The following MBNL2 variants were observed in gnomAD, a reference collection of about 807,000 sequenced individuals.
MBNL2 encodes muscleblind like splicing regulator 2.
In MBNL2, 17 loss-of-function variants were observed where a neutral mutation model predicts 41.9. That is an observed-to-expected ratio of 0.41 (90% CI 0.28 to 0.61). The LOEUF (loss-of-function observed/expected upper bound fraction) is 0.61, where lower values mean the gene tolerates loss of function less well. Among genes scored for constraint, MBNL2 ranks in the 20% least tolerant of loss-of-function variants. MBNL2 has a pLI of 0.35. For synonymous variants in MBNL2, 195 were observed against 182.9 expected, an observed-to-expected ratio of 1.07 and a Z score of -0.53; for missense variants, 336 against 505.6, an observed-to-expected ratio of 0.66 and a Z score of 3.22.
chr13:97,329,690 CAATACACACACATGCAGCACACATACAA>C (rs1566420573), intron 2 of MBNL2, among the ~76,000 whole-genome samples: 13 of 256 alleles, frequency 0.051, no homozygotes, highest in Middle Eastern at 0.5. Context: ...ACAACACACA[CAATACACACACATGCAGCACACATACAA>C]CATACACAAC....
chr13:97,376,721 G>T (rs922722257), intron 8 of MBNL2, among the ~76,000 whole-genome samples: 10 of 152,258 alleles, frequency 6.6e-5, no homozygotes, highest in South Asian at 4.1e-4. Flanking sequence ...ATCAGGCATT[G>T]TAGGTCTGAC....
chr13:97,342,966 A>G (rs748369270), intron 3 of MBNL2, 50 bp from the exon 4 acceptor site: 1 of 1,209,890 alleles, frequency 8.3e-7, no homozygotes, highest in South Asian at 1.2e-5. Context: ...GTAATTTTTT[A>G]AAGTTTTATT....
chr13:97,367,428 T>C (rs1381138619), intron 8 of MBNL2, among the ~76,000 whole-genome samples: 1 of 152,184 alleles, frequency 6.6e-6, no homozygotes, highest in Non-Finnish European at 1.5e-5. Context: ...TTTGGTTTGG[T>C]TTTTAGTTTC....
At chr13:97,263,398 C>G (rs2049029613) in intron 1 of MBNL2, among the ~76,000 whole-genome samples, 1 of 152,170 alleles carries the variant, frequency 6.6e-6, no homozygotes, top group South Asian at 2.1e-4. Context: ...TGTGTTACAC[C>G]TGGGCCTACT....
At chr13:97,240,645 A>T (rs1394738603) in intron 1 of MBNL2, among the ~76,000 whole-genome samples, 1 of 152,204 alleles carries the variant, frequency 6.6e-6, no homozygotes, top group Non-Finnish European at 1.5e-5. Flanking sequence ...AAATGCAAGA[A>T]GGCTTTTTAT....
chr13:97,311,922 C>T (rs1187485635), intron 2 of MBNL2, among the ~76,000 whole-genome samples: 3 of 152,124 alleles, frequency 2.0e-5, no homozygotes. Flanking sequence ...ACAGATAGTC[C>T]TTTTTTGTGT....
intron 1 of MBNL2, among the ~76,000 whole-genome samples, chr13:97,257,669 TTCAG>T (rs2047814677): frequency 6.6e-6 from 1 of 152,236 alleles, no homozygotes; most frequent in Non-Finnish European, 1.5e-5. Context: ...CCTCGTTTGT[TTCAG>T]TCACCCTGGG....
intron 2 of MBNL2, among the ~76,000 whole-genome samples, chr13:97,298,522 C>T (rs1052744065): frequency 1.3e-5 from 2 of 152,176 alleles, no homozygotes; most frequent in Non-Finnish European, 2.9e-5. Flanking sequence ...GTATCTTTTG[C>T]AAAATCACAC....
In MBNL2 at chr13:97,392,919, A is replaced by G. The variant is rs1306122868; in HGVS notation, c.*1470A>G. 1 of 152,490 alleles carries G rather than the reference A, an allele frequency of 6.6e-6. No individual in the cohort carries two copies. Among genetic ancestry groups the G allele is most frequent in the South Asian group, 2.1e-4 (1 of 4,828 alleles). 9.4% of individuals were successfully genotyped at this position (152,490 alleles called of 1,614,324 possible). On this transcript the variant is annotated 3_prime_UTR_variant, in exon 9 of 9. Transcript: ENST00000679496. ...TTGAGATTGAATGTAAAATATTTTA[A>G]ATTTGGGATCATCGCCTGTTCTGAA...
intron 1 of MBNL2, among the ~76,000 whole-genome samples, chr13:97,269,735 C>T (rs567611800): frequency 1.4e-3 from 214 of 152,196 alleles, no homozygotes; most frequent in Non-Finnish European, 2.6e-3. Flanking sequence ...AAAATAAAGG[C>T]GGTGTGAGAA....
At chr13:97,364,222 C>T (rs1001290588) in intron 7 of MBNL2, among the ~76,000 whole-genome samples, 4 of 152,128 alleles carry the variant, frequency 2.6e-5, no homozygotes, top group Non-Finnish European at 5.9e-5. Flanking sequence ...GTTGAAATTG[C>T]CCCTCCCACC....
rs2050184074 is a variant in MBNL2 at position 97,268,084 on chromosome 13, C to CCTTCCTTCCTTCCTTCCTTCCTTT, written c.-604-7529_-604-7528insCCTTTCTTCCTTCCTTCCTTCCTT. Among the ~76,000 whole-genome samples, 1 of 150,654 alleles carries CCTTCCTTCCTTCCTTCCTTCCTTT rather than the reference C, an allele frequency of 6.6e-6. No individual in the cohort carries two copies. Among genetic ancestry groups the CCTTCCTTCCTTCCTTCCTTCCTTT allele is most frequent in the Non-Finnish European group, 1.5e-5 (1 of 67,704 alleles). ...GCTTTTCTTTTTTCTTTCCTTCCTT[C>CCTTCCTTCCTTCCTTCCTTCCTTT]CTTCCTTCCTTCCTTCCTTTCTTTC... On this transcript the variant is annotated intron_variant, in intron 1 of 8. Coordinates refer to ENST00000679496, the MANE Select transcript of MBNL2 (RefSeq NM_001382683.1). This position sits in a 1 kb window ranked among gnomAD's most constrained non-coding sequence, Gnocchi z 4.6.
intron 1 of MBNL2, among the ~76,000 whole-genome samples, chr13:97,247,167 A>G (rs1302051247): frequency 6.6e-6 from 1 of 152,246 alleles, no homozygotes; most frequent in Admixed American, 6.5e-5. Context: ...TAATAATTGT[A>G]TTAAAAATTT....
intron 3 of MBNL2, among the ~76,000 whole-genome samples, chr13:97,338,727 C>T (rs1204258241): frequency 6.6e-6 from 1 of 152,168 alleles, no homozygotes; most frequent in Non-Finnish European, 1.5e-5. Flanking sequence ...GTGGAAGAAC[C>T]ACGAGGGACA....
chr13:97,242,886 A>G (rs757259607), intron 1 of MBNL2, among the ~76,000 whole-genome samples: 25 of 152,166 alleles, frequency 1.6e-4, no homozygotes, highest in Non-Finnish European at 2.5e-4. Flanking sequence ...GTCCAATGAC[A>G]TCATCCTCTG....
intron 8 of MBNL2, among the ~76,000 whole-genome samples, chr13:97,377,530 A>G (rs541082617): frequency 6.6e-6 from 1 of 152,308 alleles, no homozygotes; most frequent in East Asian, 1.9e-4. Flanking sequence ...AAGAAGTCAA[A>G]CCTAATTCCC....
intron 3 of MBNL2, among the ~76,000 whole-genome samples, chr13:97,339,421 C>G (rs895907189): frequency 2.0e-5 from 3 of 152,072 alleles, no homozygotes; most frequent in African/African-American, 7.3e-5. Context: ...ATTTCAGAAG[C>G]GATTTTCTTC....
At chr13:97,341,145 A>C (rs769520192) in intron 3 of MBNL2, among the ~76,000 whole-genome samples, 3 of 152,050 alleles carry the variant, frequency 2.0e-5, no homozygotes, top group Non-Finnish European at 4.4e-5. Flanking sequence ...TACTATTTTT[A>C]CTCCTCACAT....
intron 1 of MBNL2, among the ~76,000 whole-genome samples, chr13:97,245,950 G>A (rs1346194293): frequency 1.3e-5 from 2 of 152,148 alleles, no homozygotes; most frequent in African/African-American, 2.4e-5. Flanking sequence ...CACCTACTAT[G>A]TTTCAGGCAC....
Sources: allele counts gnomAD v4.1 joint callset (sites outside exome capture counted in the v4.1 genomes callset), GRCh38; gene constraint gnomAD v4.1.1; non-coding constraint Gnocchi (gnomAD v3.1); transcripts MANE v1.5; gene names NCBI Gene and HGNC (gene_info 2026-07-23, HGNC 2026-07-21).